Variants in FGFR2 observed in about 807,000 individuals in gnomAD.
FGFR2 encodes the protein fibroblast growth factor receptor 2, also known as BEK fibroblast growth factor receptor.
Under a neutral mutation model 95.9 loss-of-function variants are expected in FGFR2, and 19 were observed. The ratio of observed to expected loss-of-function variants is 0.20; its 90% CI spans 0.14 to 0.29. FGFR2 has a LOEUF of 0.29. Ranked by LOEUF, FGFR2 falls within the 10% of genes least tolerant of loss-of-function variation. The pLI is 1.00. For missense variants in FGFR2, 707 were observed against 1,056.9 expected (o/e 0.67, Z 4.59); for synonymous variants, 392 against 393.3 (o/e 1.00, Z 0.04).
At chr10:121,524,367 T>C (rs1034499414) in intron 6 of FGFR2, among the ~76,000 whole-genome samples, 1 of 152,182 alleles carries the variant, frequency 6.6e-6, no homozygotes, top group African/African-American at 2.4e-5. Context: ...TCCAAACTTA[T>C]TACAGCTGCC....
intron 4 of FGFR2, among the ~76,000 whole-genome samples, chr10:121,554,335 T>C (rs2134899686): frequency 6.8e-6 from 1 of 146,440 alleles, no homozygotes; most frequent in Non-Finnish European, 1.5e-5. Flanking sequence ...GAGGAAGTCT[T>C]TTTTTTTTTT....
At chr10:121,554,572 C>T (rs1372045256) in intron 4 of FGFR2, among the ~76,000 whole-genome samples, 3 of 143,396 alleles carry the variant, frequency 2.1e-5, no homozygotes, top group Non-Finnish European at 3.0e-5. Context: ...AGGGTTTCAC[C>T]GTTTTAGCCA....
rs141416281 is a variant in FGFR2 at position 121,573,322 on chromosome 10, C to T, written c.110-7618G>A. ...GCACAGCTCCCTCCATTACTTTTCA[C>T]AAATTAAGCCTTTTCTGGGGTTTCC... is the stretch of plus-strand genomic sequence containing the variant. On this transcript the variant is annotated intron_variant, in intron 2 of 17. Coordinates refer to ENST00000358487, the MANE Select transcript of FGFR2 (RefSeq NM_000141.5). Among the ~76,000 whole-genome samples the T allele has an allele frequency of 2.6e-5, 4 of 152,292 alleles. No homozygotes were observed. In the East Asian group the frequency reaches 7.7e-4, roughly 29 times the overall value.
chr10:121,551,168 C>T (rs948477548), intron 5 of FGFR2, 122 bp downstream of exon 5: 16 of 1,135,504 alleles, frequency 1.4e-5, no homozygotes, highest in African/African-American at 7.8e-5. Flanking sequence ...TGCAGTGAAC[C>T]GAGATCGCAC....
chr10:121,528,534 T>C (rs999263562), intron 6 of FGFR2, among the ~76,000 whole-genome samples: 3 of 152,216 alleles, frequency 2.0e-5, no homozygotes, highest in Admixed American at 6.5e-5. Flanking sequence ...AAATCTATCA[T>C]GCTCATCTCT....
Position 121,518,638 on chromosome 10 carries a change from C to T in FGFR2, c.940-1175G>A, listed in dbSNP as rs777132053. ...CACCAAGTCTTTTCAGCTTCTATAT[C>T]CAGCTTTCTTTTTAAAAAAAGACAA... On this transcript the variant is annotated intron_variant, in intron 7 of 17. Coordinates refer to ENST00000358487, the MANE Select transcript of FGFR2 (RefSeq NM_000141.5). The surrounding 1 kb of genome is among the most constrained non-coding windows in gnomAD (Gnocchi z 4.0). 3 of 1,613,150 alleles carry T rather than the reference C, an allele frequency of 1.9e-6. No individual in the cohort carries two copies. The highest frequency in any genetic ancestry group is 4.5e-5 in the East Asian group (2 of 44,872).
chr10:121,593,797 G>C lies in FGFR2; in HGVS notation c.21C>G (p.Phe7Leu), dbSNP rs983521737. ...CCATGGTGACCACGACCAGGCAGAT[G>C]AAACGACCCCAGCTGACCATGGTTA... MVSWGR[F>L]ICLVVVTMAT... is the part of the protein sequence containing the mutation. Residue 7 changes from phenylalanine (F) to leucine (L), a missense_variant, in exon 2 of 18, where the codon TTC becomes TTG. By Grantham distance (22) the Phe-to-Leu change is conservative (BLOSUM62 0). Around this residue, in one of 7 missense-constraint regions of FGFR2, gnomAD observed 178 missense variants for 194.1 expected, o/e 0.92. Coordinates refer to ENST00000358487, the MANE Select transcript of FGFR2 (RefSeq NM_000141.5). 1 of 1,614,200 alleles carries C rather than the reference G, an allele frequency of 6.2e-7. No homozygotes were observed. Among genetic ancestry groups the C allele is most frequent in the African/African-American group, 1.3e-5 (1 of 75,064 alleles).
At chr10:121,560,140 A>G (rs1200993749) in intron 4 of FGFR2, among the ~76,000 whole-genome samples, 6 of 152,124 alleles carry the variant, frequency 3.9e-5, no homozygotes, top group African/African-American at 1.2e-4. Flanking sequence ...CTACAACTGA[A>G]ACGCAGCCCT....
intron 9 of FGFR2, among the ~76,000 whole-genome samples, chr10:121,514,278 C>T (rs1264363214): frequency 1.3e-5 from 2 of 152,194 alleles, no homozygotes; most frequent in Non-Finnish European, 2.9e-5. Context: ...ATCTGCCTTC[C>T]GCTTCCATCT....
intron 1 of FGFR2, among the ~76,000 whole-genome samples, chr10:121,596,131 A>C (rs1205259125): frequency 1.3e-5 from 2 of 152,170 alleles, no homozygotes; most frequent in Non-Finnish European, 2.9e-5. Context: ...AGCCCCAGTG[A>C]AAGCCCCAGC....
At chr10:121,545,319 T>C (rs1303743415) in intron 5 of FGFR2, among the ~76,000 whole-genome samples, 1 of 152,222 alleles carries the variant, frequency 6.6e-6, no homozygotes, top group East Asian at 1.9e-4. Context: ...AACACGGAAC[T>C]ACATTTGAAG....
At chr10:121,509,945 A>T (rs1029577526) in intron 9 of FGFR2, among the ~76,000 whole-genome samples, 5 of 152,054 alleles carry the variant, frequency 3.3e-5, no homozygotes, top group African/African-American at 1.2e-4. Flanking sequence ...ACAGCCTGCC[A>T]AACAGGCCCT....
At chr10:121,578,244 C>T (rs1424532345) in intron 2 of FGFR2, among the ~76,000 whole-genome samples, 6 of 149,804 alleles carry the variant, frequency 4.0e-5, no homozygotes, top group South Asian at 4.3e-4. Flanking sequence ...AACATCATGG[C>T]GCATTGAGGC....
At chr10:121,576,400 C>G (rs1372917428) in intron 2 of FGFR2, among the ~76,000 whole-genome samples, 1 of 152,172 alleles carries the variant, frequency 6.6e-6, no homozygotes, top group Non-Finnish European at 1.5e-5. Context: ...TGAAAATACA[C>G]TTGCTGGACA....
rs570467439 is a variant in FGFR2, at chr10:121,500,731, C to T, written c.1561+95G>A. ...CTAGGTCAACTATGTGCTCTCTGAC[C>T]CCGTGCCATGATAGAGTTCACATGC... On this transcript the variant is annotated intron_variant, in intron 11 of 17. Coordinates refer to ENST00000358487, the MANE Select transcript of FGFR2 (RefSeq NM_000141.5). 19 of 1,545,964 alleles carry T rather than the reference C, an allele frequency of 1.2e-5. No homozygotes were observed. The East Asian group carries it at 3.6e-4, about 29-fold the overall frequency.
At chr10:121,500,634 T>C (rs1847474204) in intron 11 of FGFR2, among the ~76,000 whole-genome samples, 192 bp downstream of exon 11, 1 of 152,208 alleles carries the variant, frequency 6.6e-6, no homozygotes, top group Non-Finnish European at 1.5e-5. Context: ...CTGGCTTTTC[T>C]TTATAAGTAC....
rs1863729134 is a variant in FGFR2, at chr10:121,598,227, T to A, written c.-416A>T. The A allele has an allele frequency of 1.5e-5, 6 of 396,530 alleles. No individual in the cohort carries two copies. The highest frequency in any genetic ancestry group is 2.1e-5 in the African/African-American group (1 of 48,520). 24.6% of individuals were successfully genotyped at this position (396,530 alleles called of 1,614,324 possible). A position where few individuals can be genotyped will look rare whatever the true frequency, so the allele number is the denominator to read the frequency against. Reference sequence around the variant, plus strand: ...GCTTGGCGTTGCCTCCACCAAACTTTGCTCGCGAGTTGCGAAGGCTCAGAG... The same window carrying A: ...GCTTGGCGTTGCCTCCACCAAACTTAGCTCGCGAGTTGCGAAGGCTCAGAG... On this transcript the variant is annotated 5_prime_UTR_variant, in exon 1 of 18. Transcript: ENST00000358487.
chr10:121,533,969 C>T (rs1852444123), intron 6 of FGFR2, among the ~76,000 whole-genome samples: 1 of 152,132 alleles, frequency 6.6e-6, no homozygotes, highest in African/African-American at 2.4e-5. Flanking sequence ...CACCCCTCTC[C>T]TGCAAGTCCA....
chr10:121,597,475 G>A (rs7919566), intron 1 of FGFR2, among the ~76,000 whole-genome samples: 11,783 of 152,302 alleles, frequency 0.077, 747 homozygotes, highest in East Asian at 0.23. Context: ...CACCCCTACG[G>A]GATGTCACCG....
Sources: gnomAD v4.1 joint callset for allele counts (sites outside exome capture counted in the v4.1 genomes callset) on GRCh38, gnomAD v4.1.1 for gene constraint, gnomAD v4.1.1 regional missense constraint, Gnocchi (gnomAD v3.1) non-coding constraint, MANE v1.5 for transcripts, NCBI Gene and HGNC (gene_info 2026-07-23, HGNC 2026-07-21) for gene names.